The following LATS2 variants were observed in gnomAD, a reference collection of about 807,000 sequenced individuals.
The protein encoded by LATS2 is large tumor suppressor kinase 2, also known as serine/threonine-protein kinase LATS2.
In LATS2, 24 loss-of-function variants were observed where a neutral mutation model predicts 76.0. That is an observed-to-expected ratio of 0.32 (90% confidence interval 0.23 to 0.44). The LOEUF is 0.44. Ranked by LOEUF, LATS2 falls within the 20% of genes least tolerant of loss-of-function variation. The pLI is 1.00. For missense variants in LATS2, 1,286 were observed against 1,481.2 expected, an observed-to-expected ratio of 0.87 and a Z score of 2.16; for synonymous variants, 692 against 635.4, an observed-to-expected ratio of 1.09 and a Z score of -1.34.
intron 7 of LATS2, among the ~76,000 whole-genome samples, chr13:20,976,326 A>G (rs1309410650): frequency 6.6e-6 from 1 of 152,238 alleles, no homozygotes; most frequent in Non-Finnish European, 1.5e-5. Flanking sequence ...TTGTTTTCAT[A>G]GAGCTAAAAC....
In LATS2 at chr13:20,989,146, C is replaced by T. The variant is rs1207863433; in HGVS notation, c.634G>A (p.Val212Met). The T allele has an allele frequency of 4.3e-6, 7 of 1,611,716 alleles. No homozygotes were observed. The highest frequency in any genetic ancestry group is 5.9e-6 in the Non-Finnish European group (7 of 1,179,526). ...CCGACTCCGGGGAAAAGGTAGTCCA[C>T]GTACGGCCGCGGCATCTCCTCCAGC... ...TALEEMPRPY[V>M]DYLFPGVGPH... Residue 212 changes from valine to methionine, a missense_variant, in exon 4 of 8, where the codon GTG (valine) becomes ATG (methionine). Around this residue, in one of 5 missense-constraint regions of LATS2, gnomAD observed 710 missense variants for 660.9 expected, o/e 1.07. Transcript: ENST00000382592.
In LATS2 at chr13:20,991,181, G is replaced by A; in HGVS notation, c.475+91C>T. On this transcript the variant is annotated intron_variant, in intron 3 of 7. Transcript: ENST00000382592. This position sits in a 1 kb window ranked among gnomAD's most constrained non-coding sequence, Gnocchi z 4.9. ...TGTGCCAGGAGACTGGCTCTGGCCA[G>A]GCCAGGCCAGGTTGGACCCCTCTGC... 2 of 1,505,840 alleles carry A rather than the reference G, an allele frequency of 1.3e-6. No individual in the cohort carries two copies. Among genetic ancestry groups the A allele is most frequent in the Non-Finnish European group, 1.8e-6 (2 of 1,096,516 alleles). The allele number at this position is 1,505,840 out of a possible 1,614,324, so 93.3% of individuals were successfully genotyped here. A position where few individuals can be genotyped will look rare whatever the true frequency, so the allele number is the denominator to read the frequency against.
At chr13:21,039,190 T>C (rs895703597) in intron 2 of LATS2, among the ~76,000 whole-genome samples, 4 of 152,318 alleles carry the variant, frequency 2.6e-5, no homozygotes, top group South Asian at 2.1e-4. Flanking sequence ...CCAAAAGCCA[T>C]TGTAATACAA....
chr13:20,993,300 T>C (rs1490117417), intron 2 of LATS2, among the ~76,000 whole-genome samples: 1 of 152,240 alleles, frequency 6.6e-6, no homozygotes, highest in Non-Finnish European at 1.5e-5. Context: ...ATGTTACTCA[T>C]GGTTGCTTCT....
chr13:21,053,788 G>T (rs1873358303), intron 1 of LATS2, among the ~76,000 whole-genome samples: 1 of 152,148 alleles, frequency 6.6e-6, no homozygotes, highest in Non-Finnish European at 1.5e-5. Context: ...TGTACCTCAA[G>T]AACATTATGC....
Position 20,981,584 on chromosome 13 carries a change from C to G in LATS2, c.2547G>C (p.Arg849=). The G allele has an allele frequency of 1.2e-6, 2 of 1,614,172 alleles. No individual in the cohort carries two copies. The highest frequency in any genetic ancestry group is 1.6e-4 in the Middle Eastern group (1 of 6,062). The part of the protein sequence containing the change: ...SDLWDDVSNC[R]CGDRLKTLEQ... ...CTAGGGTCTTCAGCCTGTCCCCACA[C>G]CGACAGTTAGACACATCATCCCAGA... is the stretch of plus-strand genomic sequence containing the variant. The change falls in exon 6 of 8, where the codon CGG becomes CGC. Residue 849 remains arginine, a synonymous_variant. Coordinates refer to ENST00000382592, the MANE Select transcript of LATS2 (RefSeq NM_014572.3).
intron 2 of LATS2, among the ~76,000 whole-genome samples, chr13:21,004,693 A>T (rs1223524781): frequency 1.3e-5 from 2 of 152,192 alleles, no homozygotes; most frequent in African/African-American, 4.8e-5. Flanking sequence ...TAATAGCACC[A>T]TGGGGCTGTT....
At position 20,988,521 on chromosome 13, in the gene LATS2, C is replaced by A; in HGVS notation, c.1259G>T (p.Gly420Val). ...GGCGGGCAGGGAGGGCTCGGCCTTG[C>A]CAGGCGGACCGGGCCGCGGCTGGTG... ...NSHQPRPGPPGKAEPSLPAPN... is the reference protein window; with the variant it reads ...NSHQPRPGPPVKAEPSLPAPN... Residue 420 changes from glycine (G) to valine (V), a missense_variant, in exon 4 of 8, where the codon GGC (glycine) becomes GTC (valine). Gly to Val is a moderately radical substitution (Grantham distance 109). This residue lies in a region of LATS2 where 710 missense variants were observed against 660.9 expected (regional missense o/e 1.07). Transcript: ENST00000382592. The A allele has an allele frequency of 6.4e-7, 1 of 1,565,210 alleles. No individual in the cohort carries two copies. Among genetic ancestry groups the A allele is most frequent in the Non-Finnish European group, 8.6e-7 (1 of 1,164,028 alleles).
intron 4 of LATS2, among the ~76,000 whole-genome samples, chr13:20,987,459 CACT>C (rs1289165716): frequency 2.6e-5 from 4 of 152,152 alleles, no homozygotes; most frequent in African/African-American, 9.7e-5. Context: ...TAAATGGAAT[CACT>C]ACTAGATACA....
At chr13:20,985,266 T>C (rs181801919) in intron 4 of LATS2, among the ~76,000 whole-genome samples, 133 of 152,122 alleles carry the variant, frequency 8.7e-4, no homozygotes, top group African/African-American at 3.2e-3. Context: ...AGTAGACAAA[T>C]GGGACTATAT....
chr13:21,056,646 T>TC (rs1214838961), intron 1 of LATS2, among the ~76,000 whole-genome samples: 1 of 152,120 alleles, frequency 6.6e-6, no homozygotes, highest in Non-Finnish European at 1.5e-5. Context: ...TCTGCACCCC[T>TC]CCAAGTTTTG....
chr13:20,977,769 T>C lies in LATS2; in HGVS notation c.2772+1922A>G, dbSNP rs559496348. 3.9e-5 allele frequency among the ~76,000 whole-genome samples: 4 copies of C among 102,754 alleles called. No individual in the cohort carries two copies. In the South Asian group the frequency reaches 1.1e-3, roughly 28 times the overall value. 67.4% of individuals were successfully genotyped at this position (102,754 alleles called of 152,430 possible). On this transcript the variant is annotated intron_variant, in intron 7 of 7. Coordinates refer to ENST00000382592, the MANE Select transcript of LATS2 (RefSeq NM_014572.3). ...ATTAGATGGTAAATTTTATGTTATG[T>C]ATATTTTACCAGAATAAAAAAATCT...
At position 20,988,765 on chromosome 13, in the gene LATS2, C is replaced by A; in HGVS notation, c.1015G>T (p.Ala339Ser). 6.3e-7 allele frequency: 1 copy of A among 1,582,546 alleles called. No individual in the cohort carries two copies. Among genetic ancestry groups the A allele is most frequent in the Non-Finnish European group, 8.5e-7 (1 of 1,171,292 alleles). Reference sequence around the variant, plus strand: ...AGGCTCTGCGGGGGGCTGTCGCTGGCGAACACCTGGCTGCGGGAGCCCAGC... The same window carrying A: ...AGGCTCTGCGGGGGGCTGTCGCTGGAGAACACCTGGCTGCGGGAGCCCAGC... ...HVLGSRSQVF[A>S]SDSPPQSLLT... The change falls in exon 4 of 8, where the codon GCC becomes TCC. Residue 339 changes from alanine to serine, a missense_variant. Coordinates refer to ENST00000382592, the MANE Select transcript of LATS2 (RefSeq NM_014572.3).
At position 20,974,944 on chromosome 13, in the gene LATS2, G is replaced by C; in HGVS notation, c.3193C>G (p.Gln1065Glu). ...CPKPSGAEAS[Q>E]AESSDLESSD... Reference sequence around the variant, plus strand: ...CTTTCTAAATCTGAGCTCTCAGCCTGTGAAGCTTCTGCTCCTGAAGGCTTT... The same window carrying C: ...CTTTCTAAATCTGAGCTCTCAGCCTCTGAAGCTTCTGCTCCTGAAGGCTTT... Residue 1065 changes from glutamine (Q) to glutamate (E), a missense_variant, in exon 8 of 8, where the codon CAG becomes GAG. This residue lies in a region of LATS2 where 210 missense variants were observed against 234.9 expected (regional missense o/e 0.89). Transcript: ENST00000382592. 6.2e-7 allele frequency: 1 copy of C among 1,614,202 alleles called. No individual in the cohort carries two copies. The highest frequency in any genetic ancestry group is 1.3e-5 in the African/African-American group (1 of 75,048).
intron 2 of LATS2, among the ~76,000 whole-genome samples, chr13:21,000,197 T>C (rs1453087541): frequency 6.6e-6 from 1 of 152,044 alleles, no homozygotes; most frequent in Non-Finnish European, 1.5e-5. Flanking sequence ...CTGGCTAACA[T>C]GGTGAAACCC....
chr13:21,052,461 G>A (rs914920821), intron 1 of LATS2, among the ~76,000 whole-genome samples: 1 of 151,944 alleles, frequency 6.6e-6, no homozygotes, highest in African/African-American at 2.4e-5. Context: ...AGTGATTCTC[G>A]TGCCTCAGCC....
At position 20,988,238 on chromosome 13, in the gene LATS2, C is replaced by T. The variant is rs771907039; in HGVS notation, c.1542G>A (p.Pro514=). 4.4e-6 allele frequency: 7 copies of T among 1,603,444 alleles called. No homozygotes were observed. Among genetic ancestry groups the T allele is most frequent in the East Asian group, 2.2e-5 (1 of 44,854 alleles). The change falls in exon 4 of 8, where the codon CCG becomes CCA. Residue 514 remains proline (P), a synonymous_variant. Coordinates refer to ENST00000382592, the MANE Select transcript of LATS2 (RefSeq NM_014572.3). ...GCAGGTGCTTCGGGTAGGGCGGAGG[C>T]GGGCACCTCCGGTCTGGGCCTCCGT... ...VEYGGPDRRC[P]PPPYPKHLLL... is the part of the protein sequence containing the mutation.
intron 2 of LATS2, among the ~76,000 whole-genome samples, chr13:21,023,928 G>C (rs1414046859): frequency 6.6e-6 from 1 of 151,340 alleles, no homozygotes; most frequent in Non-Finnish European, 1.5e-5. Flanking sequence ...AGACGAGATC[G>C]CACCATTGCA....
chr13:21,000,755 C>T (rs939343297), intron 2 of LATS2, among the ~76,000 whole-genome samples: 3 of 152,308 alleles, frequency 2.0e-5, no homozygotes, highest in Non-Finnish European at 4.4e-5. Context: ...AAATCTACCA[C>T]TGTTCTAGAT....
Sources: gnomAD v4.1 joint callset for allele counts (sites outside exome capture counted in the v4.1 genomes callset) on GRCh38, gnomAD v4.1.1 for gene constraint, gnomAD v4.1.1 regional missense constraint, Gnocchi (gnomAD v3.1) non-coding constraint, MANE v1.5 for transcripts, NCBI Gene and HGNC (gene_info 2026-07-23, HGNC 2026-07-21) for gene names.